Variants in ACE observed in about 807,000 individuals in gnomAD.
ACE encodes angiotensin-converting enzyme.
Under a neutral mutation model 162.3 loss-of-function variants are expected in ACE, and 122 were observed. The ratio of observed to expected loss-of-function variants is 0.75; its 90% CI spans 0.65 to 0.87. ACE has a LOEUF of 0.87. Ranked by LOEUF, ACE falls within the 40% of genes least tolerant of loss-of-function variation. ACE has a pLI of 0.00. For synonymous variants in ACE, 796 were observed against 720.6 expected, an observed-to-expected ratio of 1.10 and a Z score of -1.68; for missense variants, 1,799 against 1,735.1, an observed-to-expected ratio of 1.04 and a Z score of -0.65.
rs1420799328 is a variant in ACE at position 63,491,407 on chromosome 17, C to T, written c.2912+26C>T. 10 of 1,613,464 alleles carry T rather than the reference C, an allele frequency of 6.2e-6. No homozygotes were observed. The highest frequency in any genetic ancestry group is 5.0e-5 in the Admixed American group (3 of 60,006). On this transcript the variant is annotated intron_variant, in intron 19 of 24. Coordinates refer to ENST00000290866, the MANE Select transcript of ACE (RefSeq NM_000789.4). This position sits in a 1 kb window ranked among gnomAD's most constrained non-coding sequence, Gnocchi z 4.4. ...GTACATCCAGCTAGGGCTCAGGTCT[C>T]GTTCCTGAGCCCCACGGGCAAGGGA...
rs761345398 is a variant in ACE, at chr17:63,483,173, G to A, written c.1487G>A (p.Arg496Gln). The A allele has an allele frequency of 1.1e-5, 18 of 1,613,588 alleles. No individual in the cohort carries two copies. Among genetic ancestry groups the A allele is most frequent in the South Asian group, 9.9e-5 (9 of 91,074 alleles). The change falls in exon 9 of 25, where the codon CGA becomes CAA. Residue 496 changes from arginine to glutamine, a missense_variant and splice_region_variant. Transcript: ENST00000290866. The part of the protein sequence containing the change: ...SRYNFDWWYL[R>Q]TKYQGICPPV... ...TACAACTTCGACTGGTGGTATCTTC[G>A]GTGAGAGGAGGGATAGAAAAGCCTT...
chr17:63,494,120 A>G, intron 21 of ACE, 54 bp downstream of exon 21: 4 of 1,609,572 alleles, frequency 2.5e-6, no homozygotes, highest in Admixed American at 1.7e-5. Context: ...GAGTGTCTGC[A>G]TGTGCCTGGG....
At position 63,482,655 on chromosome 17, in the gene ACE, A is replaced by T; in HGVS notation, c.1308A>T (p.Lys436Asn). The T allele has an allele frequency of 6.2e-7, 1 of 1,613,904 alleles. No individual in the cohort carries two copies. Among genetic ancestry groups the T allele is most frequent in the East Asian group, 2.2e-5 (1 of 44,870 alleles). ...LSVSTPEHLH[K>N]IGLLDRVTND... ...TCTCCACTCCTGAACATCTGCACAA[A>T]ATCGGCCTGCTGGACCGTGTCACCA... The change falls in exon 8 of 25, where the codon AAA becomes AAT. Residue 436 changes from lysine to asparagine, a missense_variant. Coordinates refer to ENST00000290866, the MANE Select transcript of ACE (RefSeq NM_000789.4).
chr17:63,488,663 T>C lies in ACE; in HGVS notation c.2321T>C (p.Met774Thr). ...CCCCTACCAGATCTGACGAATGTGATGGCCACGTCCCGGAAATATGAAGAC... is the reference window on the plus strand; with the variant it reads ...CCCCTACCAGATCTGACGAATGTGACGGCCACGTCCCGGAAATATGAAGAC... ...LQLEPDLTNV[M>T]ATSRKYEDLL... Residue 774 changes from methionine to threonine, a missense_variant, in exon 16 of 25, where the codon ATG becomes ACG. Coordinates refer to ENST00000290866, the MANE Select transcript of ACE (RefSeq NM_000789.4). The C allele has an allele frequency of 1.2e-6, 2 of 1,613,168 alleles. No homozygotes were observed. Among genetic ancestry groups the C allele is most frequent in the South Asian group, 2.2e-5 (2 of 91,000 alleles).
Position 63,481,720 on chromosome 17 carries a change from A to T in ACE, c.1100A>T (p.Tyr367Phe). Residue 367 changes from tyrosine (Y) to phenylalanine (F), a missense_variant, in exon 7 of 25, where the codon TAC (tyrosine) becomes TTC (phenylalanine). By Grantham distance (22) the Tyr-to-Phe change is conservative. Coordinates refer to ENST00000290866, the MANE Select transcript of ACE (RefSeq NM_000789.4). ...VVCHASAWDF[Y>F]NRKDFRIKQC... The stretch of plus-strand genomic sequence containing the variant: ...TGCCACGCCTCGGCTTGGGACTTCT[A>T]CAACAGGAAAGACTTCAGGTTCAGA... The T allele has an allele frequency of 6.2e-7, 1 of 1,614,134 alleles. No individual in the cohort carries two copies. Among genetic ancestry groups the T allele is most frequent in the Non-Finnish European group, 8.5e-7 (1 of 1,180,022 alleles).
chr17:63,480,015 T>C (rs1457317377), intron 4 of ACE, 103 bp downstream of exon 4: 6 of 1,495,410 alleles, frequency 4.0e-6, no homozygotes, highest in Non-Finnish European at 5.4e-6. Flanking sequence ...GGTATGACAA[T>C]TCCAGCAGGC....
chr17:63,490,775 T>C, intron 17 of ACE, 179 bp from the exon 18 acceptor site: 1 of 658,484 alleles, frequency 1.5e-6, no homozygotes, highest in Non-Finnish European at 2.8e-6. Flanking sequence ...AATGACCTAC[T>C]GGGCTGGATA....
At chr17:63,489,487 GAGCAGGGCCTCGGA>G (rs1178251173) in intron 17 of ACE, among the ~76,000 whole-genome samples, 1 of 152,206 alleles carries the variant, frequency 6.6e-6, no homozygotes, top group Non-Finnish European at 1.5e-5. Flanking sequence ...GGTGGCCTGT[GAGCAGGGCCTCGGA>G]AGATGACAGG....
chr17:63,483,271 C>T (rs2147535222), intron 9 of ACE, 98 bp downstream of exon 9: 1 of 1,593,532 alleles, frequency 6.3e-7, no homozygotes, highest in Non-Finnish European at 8.6e-7. Flanking sequence ...AGCCTCTCCT[C>T]TCTAATGATG....
Position 63,483,963 on chromosome 17 carries a change from C to T in ACE, c.1701C>T (p.Ala567=). 1 of 1,613,724 alleles carries T rather than the reference C, an allele frequency of 6.2e-7. No individual in the cohort carries two copies. The change falls in exon 11 of 25, where the codon GCC becomes GCT. Residue 567 remains alanine (A), a synonymous_variant. Transcript: ENST00000290866. The stretch of plus-strand genomic sequence containing the variant: ...TCTACCGGTCCACCAAGGCAGGGGC[C>T]AAGCTCCGGTGTGTGGTGGGAAGCC... ...CDIYRSTKAG[A]KLRKVLQAGS...
At position 63,491,105 on chromosome 17, in the gene ACE, G is replaced by A; in HGVS notation, c.2739+54G>A. 1 of 1,611,734 alleles carries A rather than the reference G, an allele frequency of 6.2e-7. No individual in the cohort carries two copies. The highest frequency in any genetic ancestry group is 1.1e-5 in the South Asian group (1 of 91,022). On this transcript the variant is annotated intron_variant, in intron 18 of 24. Transcript: ENST00000290866. This position sits in a 1 kb window ranked among gnomAD's most constrained non-coding sequence, Gnocchi z 4.4. ...CCCGCCGGGATGGGAGGGACCCTCTGATTCAGGAGTTCCCTCCAGTTTAGC... is the reference window on the plus strand; with the variant it reads ...CCCGCCGGGATGGGAGGGACCCTCTAATTCAGGAGTTCCCTCCAGTTTAGC...
Position 63,477,203 on chromosome 17 carries a change from G to C in ACE, c.109G>C (p.Gly37Arg), listed in dbSNP as rs1401848309. Residue 37 changes from glycine to arginine, a missense_variant, in exon 1 of 25, where the codon GGC becomes CGC. By Grantham distance (125) the Gly-to-Arg change is moderately radical. Coordinates refer to ENST00000290866, the MANE Select transcript of ACE (RefSeq NM_000789.4). ...ALALDPGLQP[G>R]NFSADEAGAQ... ...GGCGTTGGACCCCGGGCTGCAGCCC[G>C]GCAACTTTTCTGCTGACGAGGCCGG... 2.0e-6 allele frequency: 3 copies of C among 1,487,426 alleles called. No individual in the cohort carries two copies. Among genetic ancestry groups the C allele is most frequent in the South Asian group, 2.5e-5 (2 of 79,764 alleles). The allele number at this position is 1,487,426 out of a possible 1,614,324, so 92.1% of individuals were successfully genotyped here.
chr17:63,483,477 T>C lies in ACE; in HGVS notation c.1505T>C (p.Ile502Thr). The change falls in exon 10 of 25, where the codon ATC becomes ACC. Residue 502 changes from isoleucine to threonine, a missense_variant. By Grantham distance (89) the Ile-to-Thr change is moderately conservative (BLOSUM62 -1). Coordinates refer to ENST00000290866, the MANE Select transcript of ACE (RefSeq NM_000789.4). ...WWYLRTKYQGICPPVTRNETH... is the reference protein window; with the variant it reads ...WWYLRTKYQGTCPPVTRNETH... ...TTTTCCAGAACCAAGTATCAGGGGA[T>C]CTGTCCTCCTGTTACCCGAAACGAA... 6.2e-7 allele frequency: 1 copy of C among 1,613,982 alleles called. No individual in the cohort carries two copies. Among genetic ancestry groups the C allele is most frequent in the Non-Finnish European group, 8.5e-7 (1 of 1,179,868 alleles).
chr17:63,479,943 C>A (rs563176796), intron 4 of ACE, 31 bp downstream of exon 4: 16 of 1,590,092 alleles, frequency 1.0e-5, no homozygotes, highest in Non-Finnish European at 1.4e-5. Flanking sequence ...CCAGGAACCA[C>A]GCCAGGTGTC....
At chr17:63,486,360 C>T (rs1201252899) in intron 13 of ACE, 197 bp from the exon 14 acceptor site, 2 of 642,736 alleles carry the variant, frequency 3.1e-6, no homozygotes, top group Admixed American at 2.3e-5. Context: ...TGACCGCAGG[C>T]ATCCAGGGAG....
chr17:63,497,036 G>A, intron 24 of ACE, 51 bp downstream of exon 24: 1 of 1,591,940 alleles, frequency 6.3e-7, no homozygotes, highest in Non-Finnish European at 8.5e-7. Context: ...CCCTCCCCAG[G>A]CTGGGCAGCC....
intron 15 of ACE, among the ~76,000 whole-genome samples, chr17:63,487,463 C>T (rs1278873301): frequency 1.3e-5 from 2 of 152,162 alleles, no homozygotes; most frequent in East Asian, 3.9e-4. Flanking sequence ...ACTTCCTCAC[C>T]TTCTCTGTCT....
chr17:63,485,155 G>GGGA (rs1486457837), intron 12 of ACE, 81 bp from the exon 13 acceptor site: 5 of 1,604,264 alleles, frequency 3.1e-6, no homozygotes, highest in Non-Finnish European at 4.3e-6. Flanking sequence ...GAGTGCGAGA[G>GGGA]GGATAATGGC....
chr17:63,482,487 C>A lies in ACE; in HGVS notation c.1140C>A (p.Val380=). The part of the protein sequence containing the change: ...KDFRIKQCTR[V]TMDQLSTVHH... ...CCAGGATCAAGCAGTGCACACGGGT[C>A]ACGATGGACCAGCTCTCCACAGTGC... The change falls in exon 8 of 25, where the codon GTC becomes GTA. Residue 380 remains valine, a synonymous_variant. Coordinates refer to ENST00000290866, the MANE Select transcript of ACE (RefSeq NM_000789.4). 1 of 1,613,984 alleles carries A rather than the reference C, an allele frequency of 6.2e-7. No homozygotes were observed. The highest frequency in any genetic ancestry group is 8.5e-7 in the Non-Finnish European group (1 of 1,179,986).
Sources: gnomAD v4.1 joint callset for allele counts (sites outside exome capture counted in the v4.1 genomes callset) on GRCh38, gnomAD v4.1.1 for gene constraint, Gnocchi (gnomAD v3.1) non-coding constraint, MANE v1.5 for transcripts, NCBI Gene and HGNC (gene_info 2026-07-23, HGNC 2026-07-21) for gene names.